The following IFT122 variants were observed in gnomAD, a reference collection of about 807,000 sequenced individuals.
IFT122 encodes intraflagellar transport 122.
A neutral mutation model predicts 161.6 loss-of-function variants in IFT122; 118 were observed. That is an observed-to-expected ratio of 0.73 (90% CI 0.63 to 0.85). The LOEUF (loss-of-function observed/expected upper bound fraction) is 0.85, where lower values mean the gene tolerates loss of function less well. Ranked by LOEUF, IFT122 falls within the 40% of genes least tolerant of loss-of-function variation. IFT122 has a pLI of 0.00. For synonymous variants in IFT122, 550 were observed against 602.4 expected (o/e 0.91, Z 1.27); for missense variants, 1,381 against 1,579.6 (o/e 0.87, Z 2.13).
intron 14 of IFT122, among the ~76,000 whole-genome samples, chr3:129,482,157 A>G (rs1441787655): frequency 1.1e-4 from 17 of 152,214 alleles, no homozygotes; most frequent in Non-Finnish European, 2.5e-4. Context: ...GGGGAAGGGG[A>G]TGGGCAAGCC....
At chr3:129,482,035 G>T (rs2078716378) in intron 14 of IFT122, among the ~76,000 whole-genome samples, 1 of 152,256 alleles carries the variant, frequency 6.6e-6, no homozygotes, top group South Asian at 2.1e-4. Flanking sequence ...AGTGAATGGG[G>T]CGATGGATGC....
rs117633949 is a variant in IFT122, at chr3:129,482,741, G to C, written c.1654-744G>C. Among the ~76,000 whole-genome samples the C allele has an allele frequency of 4.9e-4, 75 of 152,306 alleles. No homozygotes were observed. The East Asian group carries it at 0.011, about 22-fold the overall frequency. On this transcript the variant is annotated intron_variant, in intron 14 of 29. Transcript: ENST00000348417. ...CCTTACTGTGTGATCTTAAGTTAGT[G>C]AGCCTCTCTGAGCCTTAATTACTTT... is the stretch of plus-strand genomic sequence containing the variant.
chr3:129,450,302 G>A (rs1440267008), intron 2 of IFT122, among the ~76,000 whole-genome samples: 1 of 152,214 alleles, frequency 6.6e-6, no homozygotes, highest in Non-Finnish European at 1.5e-5. Flanking sequence ...TGAAAAGTCA[G>A]ATAGCCTGAC....
chr3:129,464,490 G>A (rs2076506082), intron 6 of IFT122, 145 bp from the exon 7 acceptor site: 2 of 947,258 alleles, frequency 2.1e-6, no homozygotes, highest in South Asian at 1.3e-5. Context: ...CTGACTTTAT[G>A]TCAGGACCGG....
At chr3:129,448,422 A>G (rs2074308373) in intron 1 of IFT122, among the ~76,000 whole-genome samples, 1 of 152,230 alleles carries the variant, frequency 6.6e-6, no homozygotes, top group African/African-American at 2.4e-5. Flanking sequence ...TTTCATTTGC[A>G]TAACTTTCGA....
At chr3:129,472,595 T>A (rs990394773) in intron 9 of IFT122, among the ~76,000 whole-genome samples, 2 of 152,244 alleles carry the variant, frequency 1.3e-5, no homozygotes, top group Non-Finnish European at 2.9e-5. Context: ...GCTTTTTGAA[T>A]CTACACATTG....
chr3:129,483,969 A>G (rs572267700), intron 15 of IFT122: 2 of 479,174 alleles, frequency 4.2e-6, no homozygotes, highest in Admixed American at 3.3e-5. Flanking sequence ...TGTGTTTTGC[A>G]GAGAGCCCAG....
intron 20 of IFT122, 107 bp downstream of exon 20, chr3:129,502,989 G>C: frequency 2.0e-6 from 2 of 1,018,284 alleles, no homozygotes; most frequent in South Asian, 1.5e-5. Flanking sequence ...AGCTGCCCTC[G>C]TGATGGAAGG....
chr3:129,456,039 C>T (rs540184341), intron 3 of IFT122: 8 of 452,440 alleles, frequency 1.8e-5, no homozygotes, highest in African/African-American at 1.4e-4. Flanking sequence ...TGTATGTACA[C>T]ATGTACATAC....
intron 25 of IFT122, 98 bp from the exon 26 acceptor site, chr3:129,515,390 C>G: frequency 9.7e-7 from 1 of 1,030,152 alleles, no homozygotes; most frequent in Non-Finnish European, 1.5e-6. Flanking sequence ...GTGGCCTTTC[C>G]TCTTGGCAGC....
intron 16 of IFT122, among the ~76,000 whole-genome samples, chr3:129,491,101 G>T (rs1329581616): frequency 6.6e-6 from 1 of 152,124 alleles, no homozygotes; most frequent in Non-Finnish European, 1.5e-5. Flanking sequence ...TTTCTCCCTG[G>T]GTCCTCAGTC....
chr3:129,446,132 CT>C (rs1216301766), intron 1 of IFT122, among the ~76,000 whole-genome samples: 4 of 152,126 alleles, frequency 2.6e-5, no homozygotes, highest in Admixed American at 2.6e-4. Flanking sequence ...TCTCTAAAGC[CT>C]AGTACCTCAA....
rs758202449 is a variant in IFT122, at chr3:129,514,540, T to C, written c.3139T>C (p.Phe1047Leu). The C allele has an allele frequency of 2.3e-5, 37 of 1,614,086 alleles. No homozygotes were observed. Among genetic ancestry groups the C allele is most frequent in the Non-Finnish European group, 2.4e-5 (28 of 1,180,046 alleles). ...LGTLTIRAKP[F>L]HDSEELVPLC... The stretch of plus-strand genomic sequence containing the variant: ...TACCCTGACCATCCGCGCCAAGCCC[T>C]TCCACGACAGTGAGGTGAGGATGCA... Residue 1047 changes from phenylalanine (F) to leucine (L), a missense_variant, in exon 25 of 30, where the codon TTC becomes CTC. Physicochemically the swap from Phe to Leu is conservative, Grantham distance 22. This residue lies in a region of IFT122 where 496 missense variants were observed against 502.5 expected (regional missense o/e 0.99). Transcript: ENST00000348417.
intron 4 of IFT122, chr3:129,459,440 C>A (rs972838120): frequency 6.0e-6 from 2 of 331,372 alleles, no homozygotes; most frequent in Non-Finnish European, 1.2e-5. Context: ...TAGGCGCTCA[C>A]CACCATGCCA....
chr3:129,479,707 G>A, intron 12 of IFT122, 78 bp from the exon 13 acceptor site: 2 of 1,567,962 alleles, frequency 1.3e-6, no homozygotes, highest in Non-Finnish European at 1.8e-6. Flanking sequence ...TCCCCTTAGG[G>A]ACAGAAAGAT....
At chr3:129,460,796 G>A in intron 4 of IFT122, 1 of 1,424,316 alleles carries the variant, frequency 7.0e-7, no homozygotes, top group Non-Finnish European at 9.9e-7. Flanking sequence ...GAGACGCCTT[G>A]CATGGTACAT....
At chr3:129,502,250 G>A (rs1327892861) in intron 19 of IFT122, among the ~76,000 whole-genome samples, 1 of 152,212 alleles carries the variant, frequency 6.6e-6, no homozygotes, top group Non-Finnish European at 1.5e-5. Context: ...ACTTTTCCGT[G>A]AGAATTCCTG....
chr3:129,489,838 T>TAA (rs1220023680), intron 16 of IFT122, among the ~76,000 whole-genome samples: 46 of 117,100 alleles, frequency 3.9e-4, no homozygotes, highest in African/African-American at 1.2e-3. Context: ...GACTCTGACT[T>TAA]AAAAAAAAAA....
intron 18 of IFT122, among the ~76,000 whole-genome samples, chr3:129,497,005 G>A (rs1464585536): frequency 6.6e-6 from 1 of 152,218 alleles, no homozygotes; most frequent in African/African-American, 2.4e-5. Context: ...ACCAGGCTGG[G>A]CATGGTGGCT....
Sources: allele counts gnomAD v4.1 joint callset (sites outside exome capture counted in the v4.1 genomes callset), GRCh38; gene constraint gnomAD v4.1.1; regional missense constraint gnomAD v4.1.1; transcripts MANE v1.5; gene names NCBI Gene and HGNC (gene_info 2026-07-23, HGNC 2026-07-21).